The following NEK11 variants were observed in gnomAD, a reference collection of about 807,000 sequenced individuals.
NEK11 encodes the protein serine/threonine-protein kinase Nek11.
A neutral mutation model predicts 80.7 loss-of-function variants in NEK11; 72 were observed. The observed-to-expected ratio is 0.89, with a 90% confidence interval of 0.74 to 1.08. The LOEUF (loss-of-function observed/expected upper bound fraction) is 1.08. Ranked by LOEUF, NEK11 falls within the 50% of genes least tolerant of loss-of-function variation. The pLI, the probability that NEK11 is intolerant of heterozygous loss-of-function variation, is 0.00. For synonymous variants in NEK11, 251 were observed against 260.7 expected (o/e 0.96, Z 0.36); for missense variants, 764 against 763.6 (o/e 1.00, Z -0.01).
At chr3:131,192,881 T>C (rs1029080697) in intron 14 of NEK11, among the ~76,000 whole-genome samples, 6 of 151,978 alleles carry the variant, frequency 3.9e-5, no homozygotes, top group African/African-American at 1.4e-4. Flanking sequence ...TGCACAACAG[T>C]GTGATGGTGT....
At chr3:131,100,307 C>A (rs1230852473) in intron 4 of NEK11, among the ~76,000 whole-genome samples, 2 of 152,100 alleles carry the variant, frequency 1.3e-5, no homozygotes, top group African/African-American at 2.4e-5. Context: ...AAAAATAAGG[C>A]CTACTTGGGC....
chr3:131,067,609 A>G (rs2072279537), intron 3 of NEK11, among the ~76,000 whole-genome samples: 1 of 152,212 alleles, frequency 6.6e-6, no homozygotes, highest in Admixed American at 6.5e-5. Flanking sequence ...TTGAAGCTCA[A>G]TCATAGCAAT....
intron 3 of NEK11, among the ~76,000 whole-genome samples, chr3:131,075,223 T>C (rs2074148112): frequency 6.6e-6 from 1 of 152,164 alleles, no homozygotes; most frequent in African/African-American, 2.4e-5. Flanking sequence ...ACGGGTTTAA[T>C]TGTTAAAAAA....
At chr3:131,080,139 G>C (rs1251757357) in intron 3 of NEK11, among the ~76,000 whole-genome samples, 1 of 151,898 alleles carries the variant, frequency 6.6e-6, no homozygotes, top group Non-Finnish European at 1.5e-5. Flanking sequence ...GAAACATCTA[G>C]AGAGGTGGAG....
intron 14 of NEK11, among the ~76,000 whole-genome samples, chr3:131,211,530 G>T (rs200834069): frequency 1.3e-5 from 2 of 152,076 alleles, no homozygotes; most frequent in Non-Finnish European, 2.9e-5. Flanking sequence ...GCTAGGTTGG[G>T]GAAGTTCTTC....
At chr3:131,266,018 T>A (rs1344549568) in intron 16 of NEK11, among the ~76,000 whole-genome samples, 1 of 152,218 alleles carries the variant, frequency 6.6e-6, no homozygotes, top group Non-Finnish European at 1.5e-5. Context: ...GTTTATAATA[T>A]TCTCTGATGG....
At chr3:131,053,811 G>A (rs1342874269) in intron 3 of NEK11, 1 of 152,214 alleles carries the variant, frequency 6.6e-6, no homozygotes, top group Non-Finnish European at 1.5e-5. Context: ...ATAAGACTGT[G>A]TAACACAGGA....
intron 14 of NEK11, among the ~76,000 whole-genome samples, chr3:131,192,333 G>A (rs575486787): frequency 3.9e-5 from 6 of 152,284 alleles, no homozygotes; most frequent in Admixed American, 2.0e-4. Flanking sequence ...TGCACTGCTG[G>A]TGGGAATGTT....
intron 3 of NEK11, among the ~76,000 whole-genome samples, chr3:131,052,960 G>T (rs2110064693): frequency 6.6e-6 from 1 of 152,086 alleles, no homozygotes; most frequent in Non-Finnish European, 1.5e-5. Flanking sequence ...TTTAAGCCTG[G>T]ATGTAGCAAG....
chr3:131,306,204 T>A (rs947518201), intron 17 of NEK11, among the ~76,000 whole-genome samples: 1 of 152,212 alleles, frequency 6.6e-6, no homozygotes. Context: ...AATTTCAACA[T>A]CCCTGCCTTG....
chr3:131,214,568 A>G (rs988046302), intron 14 of NEK11, among the ~76,000 whole-genome samples: 4 of 152,226 alleles, frequency 2.6e-5, no homozygotes, highest in Non-Finnish European at 5.9e-5. Flanking sequence ...TTTCAGGGAA[A>G]CATTACAGTT....
At chr3:131,320,657 G>A (rs1199485158) in intron 17 of NEK11, among the ~76,000 whole-genome samples, 2 of 152,002 alleles carry the variant, frequency 1.3e-5, no homozygotes, top group Non-Finnish European at 2.9e-5. Context: ...TGCTGTATGG[G>A]AAACAATGCC....
At chr3:131,176,886 A>G (rs2093049771) in intron 14 of NEK11, among the ~76,000 whole-genome samples, 1 of 152,212 alleles carries the variant, frequency 6.6e-6, no homozygotes, top group Non-Finnish European at 1.5e-5. Flanking sequence ...TTATTATACT[A>G]AAGGTCATGC....
chr3:131,236,280 T>G (rs2095428950), intron 15 of NEK11, among the ~76,000 whole-genome samples: 2 of 152,192 alleles, frequency 1.3e-5, no homozygotes, highest in Admixed American at 6.5e-5. Context: ...AGAAATGGAT[T>G]GTTGCAGAGG....
At chr3:131,272,198 G>A (rs1043019892) in intron 16 of NEK11, among the ~76,000 whole-genome samples, 3 of 152,116 alleles carry the variant, frequency 2.0e-5, no homozygotes, top group Non-Finnish European at 4.4e-5. Flanking sequence ...CATGTTATAT[G>A]AGATATGTTG....
At chr3:131,050,920 C>T (rs1482996252) in intron 3 of NEK11, among the ~76,000 whole-genome samples, 1 of 152,132 alleles carries the variant, frequency 6.6e-6, no homozygotes, top group Non-Finnish European at 1.5e-5. Context: ...GTCCCAGCTA[C>T]TCGGAAGGCT....
chr3:131,096,733 T>TTTA (rs2149216128), intron 4 of NEK11, among the ~76,000 whole-genome samples: 1 of 151,944 alleles, frequency 6.6e-6, no homozygotes, highest in African/African-American at 2.4e-5. Context: ...AATTTAATTT[T>TTTA]ATTTTATTAT....
At chr3:131,171,009 A>G in intron 14 of NEK11, 122 bp downstream of exon 14, 1 of 770,006 alleles carries the variant, frequency 1.3e-6, no homozygotes. Flanking sequence ...AGCTATTATC[A>G]GTTTACCAGG....
At chr3:131,190,154 G>A (rs778032384) in intron 14 of NEK11, among the ~76,000 whole-genome samples, 44 of 152,052 alleles carry the variant, frequency 2.9e-4, no homozygotes, top group Non-Finnish European at 1.6e-4. Flanking sequence ...TTTTTTTAAA[G>A]AAGCAAAAAT....
Sources: gnomAD v4.1 joint callset for allele counts (sites outside exome capture counted in the v4.1 genomes callset) on GRCh38, gnomAD v4.1.1 for gene constraint, MANE v1.5 for transcripts, NCBI Gene and HGNC (gene_info 2026-07-23, HGNC 2026-07-21) for gene names.